Variants in MYO5A observed in about 807,000 individuals in gnomAD.
The protein encoded by MYO5A is myosin VA, also known as unconventional myosin-Va.
In MYO5A, 98 loss-of-function variants were observed where a neutral mutation model predicts 249.7. The ratio of observed to expected loss-of-function variants is 0.39; its 90% CI spans 0.33 to 0.46. The LOEUF is 0.46. MYO5A is among the 20% of genes least tolerant of loss of function. The pLI is 0.98. For synonymous variants in MYO5A, 778 were observed against 810.6 expected (o/e 0.96, Z 0.68); for missense variants, 1,696 against 2,308.8 (o/e 0.73, Z 5.44).
At chr15:52,443,746 C>T (rs991938043) in intron 1 of MYO5A, among the ~76,000 whole-genome samples, 7 of 150,834 alleles carry the variant, frequency 4.6e-5, no homozygotes, top group South Asian at 2.1e-4. Flanking sequence ...TTTGGGAGGC[C>T]GAGGCGGGTG....
chr15:52,387,377 C>T (rs1275135752), intron 14 of MYO5A, among the ~76,000 whole-genome samples: 6 of 152,194 alleles, frequency 3.9e-5, no homozygotes, highest in Admixed American at 6.5e-5. Context: ...GGATGGAGTG[C>T]GTAAGGCCAC....
intron 36 of MYO5A, among the ~76,000 whole-genome samples, chr15:52,325,166 C>A (rs1463118982): frequency 2.0e-5 from 3 of 152,174 alleles, no homozygotes; most frequent in Non-Finnish European, 4.4e-5. Context: ...GATTGGGAAA[C>A]TGTGCTGGTC....
chr15:52,524,884 T>TAAAA (rs34875609), intron 1 of MYO5A, among the ~76,000 whole-genome samples: 1 of 138,144 alleles, frequency 7.2e-6, no homozygotes. Flanking sequence ...AATAAAAAAT[T>TAAAA]AAAAAAAAAA....
At chr15:52,357,874 T>A (rs897432739) in intron 25 of MYO5A, among the ~76,000 whole-genome samples, 1 of 152,170 alleles carries the variant, frequency 6.6e-6, no homozygotes, top group Non-Finnish European at 1.5e-5. Flanking sequence ...ACCTAAAAAA[T>A]AACACTAGTC....
chr15:52,490,725 T>C (rs1238303570), intron 1 of MYO5A, among the ~76,000 whole-genome samples: 1 of 152,066 alleles, frequency 6.6e-6, no homozygotes, highest in Non-Finnish European at 1.5e-5. Flanking sequence ...GTTGTTGTTG[T>C]TGTTGTTGTT....
intron 25 of MYO5A, among the ~76,000 whole-genome samples, chr15:52,356,812 T>A (rs2040246644): frequency 3.2e-5 from 4 of 125,794 alleles, no homozygotes; most frequent in South Asian, 2.4e-4. Flanking sequence ...TTTTTTTTTT[T>A]TTTTTTATTT....
In MYO5A at chr15:52,423,438, G is replaced by A. The variant is rs187385980; in HGVS notation, c.455+2392C>T. On this transcript the variant is annotated intron_variant, in intron 4 of 41. Coordinates refer to ENST00000399233, the MANE Select transcript of MYO5A (RefSeq NM_001382347.1). ...GTGGTGGCAGGTGCCTGTAGTCCCA[G>A]CTACTCGGGAGGCTGAGGCAGGAGA... Among the ~76,000 whole-genome samples the A allele has an allele frequency of 4.2e-3, 644 of 152,202 alleles. 6 individuals are homozygous for A. The highest frequency in any genetic ancestry group is 0.014 in the African/African-American group (602 of 41,528).
chr15:52,463,930 T>G (rs2141423757), intron 1 of MYO5A, among the ~76,000 whole-genome samples: 1 of 152,352 alleles, frequency 6.6e-6, no homozygotes, highest in East Asian at 1.9e-4. Flanking sequence ...CTCAATTCCC[T>G]TACTTACAAA....
chr15:52,417,206 A>G (rs1449569455), intron 4 of MYO5A, among the ~76,000 whole-genome samples: 1 of 152,234 alleles, frequency 6.6e-6, no homozygotes, highest in Admixed American at 6.5e-5. Context: ...GGGCCTCTGA[A>G]TTCTTATGTG....
At position 52,353,938 on chromosome 15, in the gene MYO5A, T is replaced by A; in HGVS notation, c.3500A>T (p.Gln1167Leu). ...CTCATCCTGCATCACCTGCTTCTCC[T>A]GCTCCAGCTCTGTGACCCGCTTCTG... is the stretch of plus-strand genomic sequence containing the variant. Reference protein sequence around the residue: ...KLQKRVTELEQEKQVMQDELD... With the variant: ...KLQKRVTELELEKQVMQDELD... Residue 1167 changes from glutamine to leucine, a missense_variant, in exon 26 of 42, where the codon CAG becomes CTG. Physicochemically the swap from Gln to Leu is moderately radical, Grantham distance 113. This residue lies in a region of MYO5A where 625 missense variants were observed against 908.1 expected (regional missense o/e 0.69). Transcript: ENST00000399233. 1 of 1,614,244 alleles carries A rather than the reference T, an allele frequency of 6.2e-7. No homozygotes were observed.
At chr15:52,370,022 T>C (rs2041022533) in intron 22 of MYO5A, 147 bp downstream of exon 22, 2 of 1,070,450 alleles carry the variant, frequency 1.9e-6, no homozygotes, top group Non-Finnish European at 2.8e-6. Flanking sequence ...AATAAATGCT[T>C]GGGAAACAGT....
intron 24 of MYO5A, among the ~76,000 whole-genome samples, chr15:52,363,981 G>A (rs971299056): frequency 1.3e-5 from 2 of 152,208 alleles, no homozygotes; most frequent in Non-Finnish European, 2.9e-5. Context: ...GCTCATGCCT[G>A]TAATCCCAGC....
chr15:52,527,016 T>TA (rs141891590), intron 1 of MYO5A, among the ~76,000 whole-genome samples: 27,589 of 149,634 alleles, frequency 0.18, 3,136 homozygotes, highest in Admixed American at 0.27. Flanking sequence ...AATGATGAGC[T>TA]AAAAAAAAAA....
intron 1 of MYO5A, among the ~76,000 whole-genome samples, chr15:52,469,459 C>T (rs1425013565): frequency 1.3e-5 from 2 of 152,114 alleles, no homozygotes; most frequent in African/African-American, 4.8e-5. Flanking sequence ...TTCACCTTGT[C>T]ATCTTCATAC....
At chr15:52,316,233 C>CAAA (rs5812596) in intron 40 of MYO5A, among the ~76,000 whole-genome samples, 2,208 of 60,368 alleles carry the variant, frequency 0.037, 3 homozygotes, top group Non-Finnish European at 0.05. Flanking sequence ...GACTCCGTCA[C>CAAA]AAAAAAAAAA....
At chr15:52,527,173 A>G (rs1187812213) in intron 1 of MYO5A, among the ~76,000 whole-genome samples, 2 of 152,218 alleles carry the variant, frequency 1.3e-5, no homozygotes, top group South Asian at 4.1e-4. Flanking sequence ...GGGCTACACA[A>G]AGTAACCAAG....
In MYO5A at chr15:52,364,467, GAT is replaced by G. The variant is rs570563751; in HGVS notation, c.3309+85_3309+86del. 3,038 of 1,279,998 alleles carry G rather than the reference GAT, an allele frequency of 2.4e-3. 9 individuals carry two copies. Among genetic ancestry groups the G allele is most frequent in the Non-Finnish European group, 2.9e-3 (2,652 of 918,262 alleles). 79.3% of individuals were successfully genotyped at this position (1,279,998 alleles called of 1,614,324 possible). ...GGAACTGGGTGGTAGGTACACAGAA[GAT>G]ATGGAGGTTCATTCTACTATTCTAT... On this transcript the variant is annotated intron_variant, in intron 24 of 41. Transcript: ENST00000399233.
intron 34 of MYO5A, among the ~76,000 whole-genome samples, chr15:52,334,865 G>C (rs1227325121): frequency 6.6e-6 from 1 of 152,240 alleles, no homozygotes; most frequent in Non-Finnish European, 1.5e-5. Context: ...GTGGTACACA[G>C]AGAGCAGAAC....
At chr15:52,361,520 G>A (rs908154020) in intron 24 of MYO5A, among the ~76,000 whole-genome samples, 8 of 152,260 alleles carry the variant, frequency 5.3e-5, no homozygotes, top group East Asian at 1.9e-4. Flanking sequence ...GATCTGAAAC[G>A]AGAGAGAGTT....
Sources: gnomAD v4.1 joint callset for allele counts (sites outside exome capture counted in the v4.1 genomes callset) on GRCh38, gnomAD v4.1.1 for gene constraint, gnomAD v4.1.1 regional missense constraint, MANE v1.5 for transcripts, NCBI Gene and HGNC (gene_info 2026-07-23, HGNC 2026-07-21) for gene names.